The following VAMP4 variants were observed in gnomAD, a reference collection of about 807,000 sequenced individuals.
VAMP4 encodes vesicle associated membrane protein 4.
A neutral mutation model predicts 23.5 loss-of-function variants in VAMP4; 19 were observed. The observed-to-expected ratio is 0.81, with a 90% CI of 0.56 to 1.19. The LOEUF (loss-of-function observed/expected upper bound fraction) is 1.19, where lower values mean the gene tolerates loss of function less well. Among genes scored for constraint, VAMP4 ranks in the 50% most tolerant of loss-of-function variants. VAMP4 has a pLI of 0.00. For synonymous variants in VAMP4, 31 were observed against 51.0 expected (o/e 0.61, Z 1.67); for missense variants, 145 against 168.6 (o/e 0.86, Z 0.78).
At position 171,701,661 on chromosome 1, in the gene VAMP4, G is replaced by A. The variant is rs183816201; in HGVS notation, c.*2845C>T. 3.9e-5 allele frequency: 6 copies of A among 152,210 alleles called. No homozygotes were observed. Among genetic ancestry groups the A allele is most frequent in the Admixed American group, 3.3e-4 (5 of 15,292 alleles). The allele number at this position is 152,210 out of a possible 1,614,324, so 9.4% of individuals were successfully genotyped here. On this transcript the variant is annotated 3_prime_UTR_variant, in exon 8 of 8. Transcript: ENST00000236192. ...GGCAATCTATAGCAGGGCTAACAAA[G>A]TATTTCTATATCTCATGTCTATTAA...
intron 2 of VAMP4, among the ~76,000 whole-genome samples, chr1:171,731,122 C>A (rs529075087): frequency 2.0e-5 from 3 of 151,900 alleles, no homozygotes; most frequent in Non-Finnish European, 2.9e-5. Context: ...GTATCTTTTA[C>A]GTGCTTCTAT....
intron 2 of VAMP4, among the ~76,000 whole-genome samples, chr1:171,730,798 G>A (rs553311948): frequency 6.6e-6 from 1 of 151,832 alleles, no homozygotes; most frequent in African/African-American, 2.4e-5. Flanking sequence ...AAGGCATAAG[G>A]GAATCTACCA....
At position 171,701,349 on chromosome 1, in the gene VAMP4, A is replaced by T. The variant is rs1272635177; in HGVS notation, c.*3157T>A. The T allele has an allele frequency of 3.3e-5, 5 of 152,204 alleles. No homozygotes were observed. Among genetic ancestry groups the T allele is most frequent in the Admixed American group, 2.0e-4 (3 of 15,278 alleles). The allele number at this position is 152,204 out of a possible 1,614,324, so 9.4% of individuals were successfully genotyped here. On this transcript the variant is annotated 3_prime_UTR_variant, in exon 8 of 8. Transcript: ENST00000236192. ...CTAATGGCATTTGTTCTTAACATGG[A>T]AAAACAATTTCTTGCATATTTTCTA...
intron 3 of VAMP4, among the ~76,000 whole-genome samples, chr1:171,723,319 G>A (rs1335790842): frequency 6.6e-6 from 1 of 152,076 alleles, no homozygotes; most frequent in Non-Finnish European, 1.5e-5. Flanking sequence ...GCAGACAACT[G>A]GTCTGACTAA....
chr1:171,709,550 C>A, intron 6 of VAMP4, 115 bp downstream of exon 6: 1 of 819,662 alleles, frequency 1.2e-6, no homozygotes, highest in Non-Finnish European at 2.0e-6. Context: ...TGTCTCAGGA[C>A]AGTTATAGGC....
chr1:171,741,349 T>A (rs1655918605), intron 1 of VAMP4, among the ~76,000 whole-genome samples: 1 of 152,172 alleles, frequency 6.6e-6, no homozygotes, highest in Admixed American at 6.5e-5. Context: ...TTCACAGAAA[T>A]AAAGTGACTT....
chr1:171,722,370 A>G (rs559393528), intron 3 of VAMP4, among the ~76,000 whole-genome samples: 3 of 152,340 alleles, frequency 2.0e-5, no homozygotes, highest in Admixed American at 6.5e-5. Context: ...ATAAAACACC[A>G]AAAGCAATGT....
intron 3 of VAMP4, among the ~76,000 whole-genome samples, chr1:171,719,887 A>G (rs1655134754): frequency 6.6e-6 from 1 of 152,008 alleles, no homozygotes; most frequent in Non-Finnish European, 1.5e-5. Flanking sequence ...TTGGTTATTT[A>G]AAGTAATCAT....
intron 2 of VAMP4, among the ~76,000 whole-genome samples, chr1:171,734,940 T>G (rs769134735): frequency 9.2e-5 from 14 of 152,216 alleles, no homozygotes; most frequent in Non-Finnish European, 1.6e-4. Flanking sequence ...TACTATTGTT[T>G]TTCTTGAAGT....
At chr1:171,729,697 C>T (rs6674468) in intron 2 of VAMP4, among the ~76,000 whole-genome samples, 53,331 of 151,984 alleles carry the variant, frequency 0.35, 9,805 homozygotes, top group African/African-American at 0.47. Flanking sequence ...TCTTGCTCTG[C>T]TGCACAGGCT....
chr1:171,734,474 A>G (rs1476758378), intron 2 of VAMP4, among the ~76,000 whole-genome samples: 4 of 152,090 alleles, frequency 2.6e-5, no homozygotes, highest in Non-Finnish European at 5.9e-5. Context: ...ATGACTGCAA[A>G]AGGGCACAGC....
chr1:171,712,857 C>T (rs1402390681), intron 4 of VAMP4, among the ~76,000 whole-genome samples: 4 of 152,254 alleles, frequency 2.6e-5, no homozygotes, highest in African/African-American at 9.6e-5. Context: ...GATGATAATC[C>T]CAGCCCTTAT....
intron 1 of VAMP4, among the ~76,000 whole-genome samples, chr1:171,740,192 G>A (rs1655881432): frequency 6.6e-6 from 1 of 152,152 alleles, no homozygotes; most frequent in Non-Finnish European, 1.5e-5. Context: ...TTAATCAATG[G>A]CTGTGCATTA....
chr1:171,716,657 C>G (rs61230594), intron 4 of VAMP4, among the ~76,000 whole-genome samples: 2,243 of 152,274 alleles, frequency 0.015, 50 homozygotes, highest in African/African-American at 0.05. Context: ...CTAATCTATG[C>G]AGTAGGAAAC....
At chr1:171,705,077 G>A (rs532178277) in intron 7 of VAMP4, among the ~76,000 whole-genome samples, 3 of 152,192 alleles carry the variant, frequency 2.0e-5, no homozygotes, top group Admixed American at 1.3e-4. Flanking sequence ...CACTAAATTA[G>A]TGAATATGGA....
intron 3 of VAMP4, among the ~76,000 whole-genome samples, chr1:171,727,374 CAT>C (rs779537293): frequency 5.9e-5 from 9 of 151,664 alleles, no homozygotes; most frequent in Non-Finnish European, 1.2e-4. Flanking sequence ...TGTTCAACAT[CAT>C]ATGTCATTAA....
chr1:171,724,849 A>C lies in VAMP4; in HGVS notation c.113+3675T>G, dbSNP rs755565241. Among the ~76,000 whole-genome samples the C allele has an allele frequency of 9.8e-5, 15 of 152,314 alleles. No homozygotes were observed. The South Asian group carries it at 1.5e-3, about 15-fold the overall frequency. On this transcript the variant is annotated intron_variant, in intron 3 of 7. Coordinates refer to ENST00000236192, the MANE Select transcript of VAMP4 (RefSeq NM_003762.5). ...TAAAGTCGTAGTACTCAGGATAGTG[A>C]TTACTATGGTATTGATGTAAGAAAG... is the stretch of plus-strand genomic sequence containing the variant.
At chr1:171,727,172 T>C (rs1285046816) in intron 3 of VAMP4, among the ~76,000 whole-genome samples, 1 of 144,514 alleles carries the variant, frequency 6.9e-6, no homozygotes, top group Non-Finnish European at 1.5e-5. Context: ...CCCAGTAGTT[T>C]GAAGCTGTGG....
In VAMP4 at chr1:171,703,448, TATATATATATATATATATATAC is replaced by T. The variant is rs1390210650; in HGVS notation, c.*1036_*1057del. The T allele has an allele frequency of 3.5e-3, 342 of 97,986 alleles. 3 individuals are homozygous for T. Among genetic ancestry groups the T allele is most frequent in the African/African-American group, 0.012 (325 of 27,856 alleles). The allele number at this position is 97,986 out of a possible 1,614,324, so 6.1% of individuals were successfully genotyped here. ...GTGTATATATATATATATATATATA[TATATATATATATATATATATAC>T]ACATAGGTTCCTGACTTTCTACTAC... is the stretch of plus-strand genomic sequence containing the variant. On this transcript the variant is annotated 3_prime_UTR_variant, in exon 8 of 8. Transcript: ENST00000236192.
Sources: allele counts gnomAD v4.1 joint callset (sites outside exome capture counted in the v4.1 genomes callset), GRCh38; gene constraint gnomAD v4.1.1; transcripts MANE v1.5; gene names NCBI Gene and HGNC (gene_info 2026-07-23, HGNC 2026-07-21).